RUNX2: variants seen among roughly 807,000 people sequenced by gnomAD.
RUNX2 encodes runt-related transcription factor 2.
Under a neutral mutation model 51.7 loss-of-function variants are expected in RUNX2, and 10 were observed. That is an observed-to-expected ratio of 0.19 (90% CI 0.12 to 0.33). The LOEUF is 0.33. RUNX2 is among the 10% of genes least tolerant of loss of function. The pLI is 1.00. For missense variants in RUNX2, 562 were observed against 691.3 expected, an observed-to-expected ratio of 0.81 and a Z score of 2.10; for synonymous variants, 276 against 273.6, an observed-to-expected ratio of 1.01 and a Z score of -0.09.
chr6:45,474,081 A>C (rs1350644960), intron 5 of RUNX2, among the ~76,000 whole-genome samples: 1 of 152,198 alleles, frequency 6.6e-6, no homozygotes, highest in Non-Finnish European at 1.5e-5. Flanking sequence ...CAACCCTGAA[A>C]ACACATCTTA....
At chr6:45,329,875 C>T (rs376230491) in intron 2 of RUNX2, among the ~76,000 whole-genome samples, 2 of 151,862 alleles carry the variant, frequency 1.3e-5, no homozygotes, top group Admixed American at 6.6e-5. Context: ...AACTACAAGG[C>T]AAGTTTTCAA....
chr6:45,410,095 T>A (rs186671702), intron 2 of RUNX2, among the ~76,000 whole-genome samples: 2 of 152,352 alleles, frequency 1.3e-5, no homozygotes, highest in Admixed American at 6.5e-5. Flanking sequence ...AGTTCTGTAG[T>A]GATAACTTGG....
intron 6 of RUNX2, among the ~76,000 whole-genome samples, chr6:45,503,782 A>C (rs1800869603): frequency 6.6e-6 from 1 of 152,194 alleles, no homozygotes; most frequent in Non-Finnish European, 1.5e-5. Context: ...ATCTAGCAAA[A>C]GTTGGTGATA....
intron 2 of RUNX2, among the ~76,000 whole-genome samples, chr6:45,395,254 C>G (rs1334041233): frequency 6.6e-6 from 1 of 152,176 alleles, no homozygotes; most frequent in East Asian, 1.9e-4. Context: ...TGACAACTTC[C>G]AAGCTCTTTA....
intron 5 of RUNX2, among the ~76,000 whole-genome samples, chr6:45,478,019 G>A (rs1004273289): frequency 2.0e-5 from 3 of 151,972 alleles, no homozygotes; most frequent in Admixed American, 1.3e-4. Context: ...CTTTGCACCT[G>A]CTGTTCCTTC....
intron 5 of RUNX2, among the ~76,000 whole-genome samples, chr6:45,452,853 A>G (rs1799213322): frequency 6.6e-6 from 1 of 152,166 alleles, no homozygotes; most frequent in Non-Finnish European, 1.5e-5. Flanking sequence ...AAATACTCAG[A>G]AAGCCTATTT....
intron 5 of RUNX2, among the ~76,000 whole-genome samples, chr6:45,453,630 A>G (rs535749168): frequency 2.4e-4 from 36 of 152,364 alleles, no homozygotes; most frequent in Non-Finnish European, 4.4e-4. Context: ...GGCTGGACAC[A>G]TGGCCATGAT....
chr6:45,518,582 T>C (rs1370466323), intron 7 of RUNX2, among the ~76,000 whole-genome samples: 1 of 152,178 alleles, frequency 6.6e-6, no homozygotes, highest in African/African-American at 2.4e-5. Flanking sequence ...TACTGTTATT[T>C]GTAGCTACAC....
chr6:45,353,842 G>A (rs112723382), intron 2 of RUNX2, among the ~76,000 whole-genome samples: 2 of 150,792 alleles, frequency 1.3e-5, no homozygotes, highest in African/African-American at 4.9e-5. Context: ...TGCTGGCGGG[G>A]AAAATAGGGA....
intron 2 of RUNX2, among the ~76,000 whole-genome samples, chr6:45,344,873 A>G (rs1281786849): frequency 6.6e-6 from 1 of 152,210 alleles, no homozygotes; most frequent in Non-Finnish European, 1.5e-5. Flanking sequence ...CTAATGGTAC[A>G]GAATTTTTAA....
At chr6:45,458,176 G>T (rs184696974) in intron 5 of RUNX2, among the ~76,000 whole-genome samples, 1 of 152,004 alleles carries the variant, frequency 6.6e-6, no homozygotes, top group African/African-American at 2.4e-5. Context: ...ACAGGTGCCT[G>T]CCACCATGCC....
intron 5 of RUNX2, among the ~76,000 whole-genome samples, chr6:45,455,396 C>G (rs985159282): frequency 1.3e-5 from 2 of 151,974 alleles, no homozygotes; most frequent in Non-Finnish European, 2.9e-5. Flanking sequence ...TCTTGGTGAG[C>G]TTGGTAATTA....
At chr6:45,485,192 C>CTTTTTTTTTTTTTTTTTTTT (rs199954113) in intron 5 of RUNX2, among the ~76,000 whole-genome samples, 1 of 139,346 alleles carries the variant, frequency 7.2e-6, no homozygotes. Flanking sequence ...TTCTTTCTTT[C>CTTTTTTTTTTTTTTTTTTTT]TTTTTTTTTT....
chr6:45,346,739 A>AT (rs1339578349), intron 2 of RUNX2, among the ~76,000 whole-genome samples: 53 of 151,674 alleles, frequency 3.5e-4, no homozygotes, highest in African/African-American at 1.3e-3. Context: ...TAATTTTTAT[A>AT]TTTTTTTAGT....
intron 5 of RUNX2, among the ~76,000 whole-genome samples, chr6:45,480,704 A>T (rs2150399582): frequency 6.6e-6 from 1 of 152,346 alleles, no homozygotes; most frequent in South Asian, 2.1e-4. Flanking sequence ...AAGTACCTTA[A>T]ATCTGTTTTA....
intron 3 of RUNX2, among the ~76,000 whole-genome samples, chr6:45,426,024 A>C (rs959569068): frequency 2.0e-5 from 3 of 152,142 alleles, no homozygotes; most frequent in Non-Finnish European, 2.9e-5. Context: ...AATTCAATAG[A>C]CTGTTTTGAA....
chr6:45,509,709 C>T (rs759235871), intron 6 of RUNX2, among the ~76,000 whole-genome samples: 5 of 152,218 alleles, frequency 3.3e-5, no homozygotes, highest in Admixed American at 3.3e-4. Context: ...TTGTTTCCCA[C>T]TGTACTGAGC....
chr6:45,442,396 A>G (rs148736422), intron 5 of RUNX2, among the ~76,000 whole-genome samples: 1 of 152,288 alleles, frequency 6.6e-6, no homozygotes, highest in East Asian at 1.9e-4. Flanking sequence ...GCATTTAGAT[A>G]CCTAGCTCTT....
At chr6:45,526,847 C>G (rs967474359) in intron 7 of RUNX2, among the ~76,000 whole-genome samples, 1 of 152,096 alleles carries the variant, frequency 6.6e-6, no homozygotes, top group Non-Finnish European at 1.5e-5. Flanking sequence ...GTTAAATGAC[C>G]ATATAATCTA....
Sources: gnomAD v4.1 joint callset for allele counts (sites outside exome capture counted in the v4.1 genomes callset) on GRCh38, gnomAD v4.1.1 for gene constraint, MANE v1.5 for transcripts, NCBI Gene and HGNC (gene_info 2026-07-23, HGNC 2026-07-21) for gene names.